SNX24: variants seen among roughly 807,000 people sequenced by gnomAD.
The protein encoded by SNX24 is sorting nexin 24.
A neutral mutation model predicts 28.7 loss-of-function variants in SNX24; 22 were observed. The ratio of observed to expected loss-of-function variants is 0.77; its 90% CI spans 0.55 to 1.10. SNX24 has a LOEUF of 1.10. Among genes scored for constraint, SNX24 ranks in the 50% least tolerant of loss-of-function variants. SNX24 has a pLI of 0.00. For synonymous variants in SNX24, 69 were observed against 71.5 expected, an observed-to-expected ratio of 0.96 and a Z score of 0.18; for missense variants, 221 against 201.1, an observed-to-expected ratio of 1.10 and a Z score of -0.60.
intron 1 of SNX24, among the ~76,000 whole-genome samples, chr5:122,904,994 CTT>C (rs1345459650): frequency 6.6e-6 from 1 of 152,204 alleles, no homozygotes; most frequent in East Asian, 1.9e-4. Context: ...TCCCAGGACA[CTT>C]TTTAAGTAAG....
intron 1 of SNX24, among the ~76,000 whole-genome samples, chr5:122,856,512 G>T (rs1755200578): frequency 6.6e-6 from 1 of 150,670 alleles, no homozygotes; most frequent in African/African-American, 2.4e-5. Context: ...TGGGTCAAAT[G>T]GTAGTTCTGT....
chr5:122,865,106 T>G (rs1032325371), intron 1 of SNX24, among the ~76,000 whole-genome samples: 8 of 152,234 alleles, frequency 5.3e-5, no homozygotes, highest in Non-Finnish European at 1.0e-4. Context: ...GAGAAGACTG[T>G]GGGTAGAGCA....
chr5:123,006,563 C>T (rs1011939209), intron 6 of SNX24, among the ~76,000 whole-genome samples: 2 of 152,214 alleles, frequency 1.3e-5, no homozygotes, highest in Non-Finnish European at 2.9e-5. Context: ...CAACTCTGTC[C>T]CACTCTGCTT....
intron 3 of SNX24, among the ~76,000 whole-genome samples, chr5:122,972,886 A>G (rs246320): frequency 0.77 from 117,013 of 152,104 alleles, 45,884 homozygotes; most frequent in East Asian, 0.99. Context: ...GGCAAATTGG[A>G]CACTCAGTGG....
At chr5:122,921,961 A>C (rs1561600719) in intron 1 of SNX24, among the ~76,000 whole-genome samples, 1 of 152,186 alleles carries the variant, frequency 6.6e-6, no homozygotes, top group Non-Finnish European at 1.5e-5. Flanking sequence ...TCAATACAAG[A>C]AGCTCTTGGA....
Position 122,999,980 on chromosome 5 carries a change from C to A in SNX24, c.318C>A (p.Pro106=). The part of the protein sequence containing the change: ...FLDFLNVRHL[P]SLPKAESCGS... The stretch of plus-strand genomic sequence containing the variant: ...ATTTCCTAAATGTGCGACACTTGCC[C>A]TCTCTACCAAAGGCAGAAAGTTGTG... The change falls in exon 4 of 7, where the codon CCC becomes CCA. Residue 106 remains proline (P), a synonymous_variant. Transcript: ENST00000261369. 1.2e-6 allele frequency: 2 copies of A among 1,611,796 alleles called. No homozygotes were observed. The highest frequency in any genetic ancestry group is 1.7e-6 in the Non-Finnish European group (2 of 1,177,934).
intron 1 of SNX24, among the ~76,000 whole-genome samples, chr5:122,849,359 CAG>C (rs943316871): frequency 1.6e-4 from 24 of 152,156 alleles, no homozygotes; most frequent in Non-Finnish European, 1.8e-4. Flanking sequence ...AGAAGCTGCT[CAG>C]AGCTAGGCCG....
intron 1 of SNX24, among the ~76,000 whole-genome samples, chr5:122,897,332 A>C (rs574178248): frequency 1.3e-5 from 2 of 152,248 alleles, no homozygotes; most frequent in African/African-American, 4.8e-5. Flanking sequence ...ATTTTTTCTT[A>C]GGCTATCATA....
intron 1 of SNX24, among the ~76,000 whole-genome samples, chr5:122,905,839 C>T (rs1320713813): frequency 6.6e-6 from 1 of 152,164 alleles, no homozygotes; most frequent in Non-Finnish European, 1.5e-5. Flanking sequence ...TGACCCTGAC[C>T]ATTTACTACC....
chr5:123,024,533 C>A (rs544903988), intron 5 of SNX24, among the ~76,000 whole-genome samples: 9 of 152,194 alleles, frequency 5.9e-5, no homozygotes, highest in Non-Finnish European at 1.0e-4. Flanking sequence ...TAACCCCAGC[C>A]CCCCACAGTG....
chr5:123,006,640 T>A (rs1738522110), intron 6 of SNX24, among the ~76,000 whole-genome samples: 1 of 152,220 alleles, frequency 6.6e-6, no homozygotes, highest in Non-Finnish European at 1.5e-5. Flanking sequence ...TCTTCCCAGG[T>A]GTGATGGGGC....
chr5:122,931,076 G>C (rs942159022), intron 1 of SNX24, among the ~76,000 whole-genome samples: 2 of 152,022 alleles, frequency 1.3e-5, no homozygotes, highest in South Asian at 2.1e-4. Flanking sequence ...GTAGTGGTTG[G>C]TTTGTAGCAG....
chr5:123,028,965 C>T (rs937131408), intron 5 of SNX24: 10 of 1,091,872 alleles, frequency 9.2e-6, no homozygotes, highest in Non-Finnish European at 1.2e-5. Context: ...GAAAATTAAA[C>T]AAAATGCCTA....
At chr5:123,016,161 C>T (rs10080185) in intron 5 of SNX24, among the ~76,000 whole-genome samples, 68,662 of 152,004 alleles carry the variant, frequency 0.45, 16,494 homozygotes, top group African/African-American at 0.59. Flanking sequence ...TGGATAAATA[C>T]TTGAACAATT....
At chr5:123,003,256 C>G (rs1046165434) in intron 6 of SNX24, among the ~76,000 whole-genome samples, 16 of 152,148 alleles carry the variant, frequency 1.1e-4, no homozygotes, top group African/African-American at 3.6e-4. Context: ...TAGTAGCACC[C>G]CGATCAGAGT....
At chr5:122,879,208 C>T (rs538769869) in intron 1 of SNX24, among the ~76,000 whole-genome samples, 1 of 152,194 alleles carries the variant, frequency 6.6e-6, no homozygotes, top group Admixed American at 6.5e-5. Context: ...AGGGTATCTC[C>T]ATTTGGACCA....
intron 1 of SNX24, among the ~76,000 whole-genome samples, chr5:122,885,268 A>G (rs1756655013): frequency 6.6e-6 from 1 of 152,014 alleles, no homozygotes; most frequent in Non-Finnish European, 1.5e-5. Flanking sequence ...CTCCTCCCCA[A>G]GCTCATTCTC....
intron 1 of SNX24, among the ~76,000 whole-genome samples, chr5:122,862,601 CAAAAAAAAA>C (rs1211312668): frequency 1.8e-5 from 1 of 56,058 alleles, no homozygotes; most frequent in African/African-American, 6.7e-5. Context: ...GACTCTGTCT[CAAAAAAAAA>C]AAAAAAAAAG....
chr5:122,987,399 A>G (rs1317589051), intron 3 of SNX24, among the ~76,000 whole-genome samples: 1 of 152,214 alleles, frequency 6.6e-6, no homozygotes, highest in African/African-American at 2.4e-5. Flanking sequence ...CCTCTAGGCG[A>G]TTCTGATTAG....
Sources: allele counts gnomAD v4.1 joint callset (sites outside exome capture counted in the v4.1 genomes callset), GRCh38; gene constraint gnomAD v4.1.1; transcripts MANE v1.5; gene names NCBI Gene and HGNC (gene_info 2026-07-23, HGNC 2026-07-21).